RAI2: variants seen among roughly 807,000 people sequenced by gnomAD.
RAI2 encodes the protein retinoic acid induced 2, also known as retinoic acid-induced protein 2.
In RAI2, 5 loss-of-function variants were observed where a neutral mutation model predicts 15.3. The observed-to-expected ratio is 0.33, with a 90% CI of 0.17 to 0.69. The LOEUF is 0.69. Among genes scored for constraint, RAI2 ranks in the 30% least tolerant of loss-of-function variants. The probability of loss-of-function intolerance (pLI) is 0.69; values close to 1 mark genes in which losing one functional copy is unlikely to be tolerated. For synonymous variants in RAI2, 191 were observed against 184.0 expected (o/e 1.04, Z -0.31); for missense variants, 424 against 424.7 (o/e 1.00, Z 0.01).
intron 1 of RAI2, among the ~76,000 whole-genome samples, chrX:17,841,747 A>G (rs1218670936): frequency 8.9e-6 from 1 of 112,476 alleles, no homozygotes; most frequent in African/African-American, 3.2e-5. Flanking sequence ...GTGAACACAC[A>G]ATTACAATGC....
chrX:17,809,597 A>ATGTG (rs1410194855), intron 1 of RAI2, among the ~76,000 whole-genome samples: 1 of 110,123 alleles, frequency 9.1e-6, no homozygotes, highest in East Asian at 2.8e-4. Flanking sequence ...ATGTGTGTGC[A>ATGTG]TGTGTGTGTG....
In RAI2 at chrX:17,800,751, G is replaced by A. The variant is rs769419423; in HGVS notation, c.1260C>T (p.Gly420=). Residue 420 remains glycine, a synonymous_variant, in exon 2 of 2, where the codon GGC becomes GGT. Transcript: ENST00000451717. ...CAATGTTATTTTCAGCCTTGACTTC[G>A]CCGCTGGGGTGGTTGGGCTGGCTGA... ...EMLSQPNHPS[G]EVKAENNIEM... 7 of 1,209,826 alleles carry A rather than the reference G, an allele frequency of 5.8e-6. No homozygotes were observed. The highest frequency in any genetic ancestry group is 3.5e-5 in the South Asian group (2 of 56,776).
At chrX:17,850,535 G>GA (rs2067518198) in intron 1 of RAI2, among the ~76,000 whole-genome samples, 1 of 112,420 alleles carries the variant, frequency 8.9e-6, no homozygotes, top group Non-Finnish European at 1.9e-5. Flanking sequence ...TCTTCACGTG[G>GA]GCTTAGGACA....
chrX:17,844,685 C>G (rs765580286), intron 1 of RAI2, among the ~76,000 whole-genome samples: 1 of 112,608 alleles, frequency 8.9e-6, no homozygotes, highest in Non-Finnish European at 1.9e-5. Context: ...ATACACAAAG[C>G]TATGATTTAA....
At chrX:17,828,708 T>C (rs771780751) in intron 1 of RAI2, among the ~76,000 whole-genome samples, 20 of 111,256 alleles carry the variant, frequency 1.8e-4, no homozygotes, top group Non-Finnish European at 3.4e-4. Context: ...GATGATAAAA[T>C]GAAGAAAACT....
intron 1 of RAI2, among the ~76,000 whole-genome samples, chrX:17,816,365 G>A (rs1268821978): frequency 8.9e-6 from 1 of 112,060 alleles, no homozygotes; most frequent in Non-Finnish European, 1.9e-5. Context: ...TGCAGGGAAG[G>A]CACTTCTGGA....
chrX:17,828,907 G>A (rs936355727), intron 1 of RAI2, among the ~76,000 whole-genome samples: 8 of 111,627 alleles, frequency 7.2e-5, no homozygotes, highest in Non-Finnish European at 1.5e-4. Context: ...GGGGGAGGCC[G>A]TCAAGGGCCT....
intron 1 of RAI2, among the ~76,000 whole-genome samples, chrX:17,804,771 C>T (rs1041754802): frequency 1.8e-5 from 2 of 112,613 alleles, no homozygotes; most frequent in Non-Finnish European, 3.8e-5. Flanking sequence ...AGAAGACAAA[C>T]TTCTGGATGC....
intron 1 of RAI2, among the ~76,000 whole-genome samples, chrX:17,835,874 A>G (rs939851104): frequency 7.1e-5 from 8 of 112,626 alleles, no homozygotes; most frequent in African/African-American, 2.6e-4. Flanking sequence ...GAAAAATTAG[A>G]AAAAATGGAA....
chrX:17,842,043 A>C (rs182025515), intron 1 of RAI2, among the ~76,000 whole-genome samples: 1 of 112,184 alleles, frequency 8.9e-6, no homozygotes, highest in East Asian at 2.8e-4. Flanking sequence ...TCTCCTGTGT[A>C]CTAGGCATCT....
At chrX:17,840,842 A>G (rs982096665) in intron 1 of RAI2, among the ~76,000 whole-genome samples, 3 of 111,984 alleles carry the variant, frequency 2.7e-5, no homozygotes, top group African/African-American at 9.7e-5. Context: ...CTCACATCCC[A>G]TTGACCAGAA....
At chrX:17,817,440 A>T (rs1199905380) in intron 1 of RAI2, among the ~76,000 whole-genome samples, 1 of 112,698 alleles carries the variant, frequency 8.9e-6, no homozygotes, top group Admixed American at 9.3e-5. Flanking sequence ...GTGTATTTAC[A>T]TGGGGTCAGG....
At chrX:17,837,650 T>C (rs1222713998) in intron 1 of RAI2, 1 of 112,495 alleles carries the variant, frequency 8.9e-6, no homozygotes, top group Non-Finnish European at 1.9e-5. Flanking sequence ...GCCACCCTTC[T>C]TAATGTGATC....
chrX:17,828,665 C>G (rs2067251277), intron 1 of RAI2, among the ~76,000 whole-genome samples: 1 of 111,556 alleles, frequency 9.0e-6, no homozygotes, highest in Non-Finnish European at 1.9e-5. Flanking sequence ...GACCCCAGGG[C>G]AGAGCACAAG....
At chrX:17,822,444 A>G (rs1027792828) in intron 1 of RAI2, among the ~76,000 whole-genome samples, 5 of 111,803 alleles carry the variant, frequency 4.5e-5, no homozygotes, top group African/African-American at 1.6e-4. Flanking sequence ...TTGGGCAGCT[A>G]ATCCCTTCCT....
rs1395332398 is a variant in RAI2, at chrX:17,801,546, G to T, written c.465C>A (p.Leu155=). ...PCSSSTIHNN[L]FQGAEDPEAQ... ...CCTCGGGGTCCTCCGCTCCCTGGAAGAGGTTGTTGTGGATGGTACTGGAGG... is the reference window on the plus strand; with the variant it reads ...CCTCGGGGTCCTCCGCTCCCTGGAATAGGTTGTTGTGGATGGTACTGGAGG... Residue 155 remains leucine, a synonymous_variant, in exon 2 of 2, where the codon CTC becomes CTA. Transcript: ENST00000451717. 2 of 1,205,874 alleles carry T rather than the reference G, an allele frequency of 1.7e-6. No homozygotes were observed. The highest frequency in any genetic ancestry group is 2.2e-5 in the Admixed American group (1 of 45,782).
At chrX:17,833,746 C>G (rs981685690) in intron 1 of RAI2, among the ~76,000 whole-genome samples, 1 of 111,943 alleles carries the variant, frequency 8.9e-6, no homozygotes, top group Non-Finnish European at 1.9e-5. Context: ...ACTCGCTTTA[C>G]TTACTTTATA....
intron 1 of RAI2, among the ~76,000 whole-genome samples, chrX:17,843,127 C>CT (rs374869493): frequency 1.2e-3 from 132 of 105,955 alleles, no homozygotes; most frequent in African/African-American, 3.1e-3. Context: ...ACAGGTTCAT[C>CT]TTTTTTTTTT....
chrX:17,805,604 C>T (rs1003623394), intron 1 of RAI2, among the ~76,000 whole-genome samples: 8 of 112,645 alleles, frequency 7.1e-5, no homozygotes, highest in African/African-American at 9.7e-5. Flanking sequence ...CTGGGAAAAA[C>T]GCTGAGGCCC....
Sources: allele counts gnomAD v4.1 joint callset (sites outside exome capture counted in the v4.1 genomes callset), GRCh38; gene constraint gnomAD v4.1.1; transcripts MANE v1.5; gene names NCBI Gene and HGNC (gene_info 2026-07-23, HGNC 2026-07-21).